The following WNK2 variants were observed in gnomAD, a reference collection of about 807,000 sequenced individuals.
The protein encoded by WNK2 is serine/threonine-protein kinase WNK2.
In WNK2, 67 loss-of-function variants were observed where a neutral mutation model predicts 192.1. The observed-to-expected ratio is 0.35, with a 90% CI of 0.29 to 0.43. WNK2 has a LOEUF of 0.43. Ranked by LOEUF, WNK2 falls within the 20% of genes least tolerant of loss-of-function variation. The probability of loss-of-function intolerance (pLI) is 1.00; values close to 1 mark genes in which losing one functional copy is unlikely to be tolerated. For synonymous variants in WNK2, 1,439 were observed against 1,393.9 expected, an observed-to-expected ratio of 1.03 and a Z score of -0.72; for missense variants, 2,698 against 3,089.7, an observed-to-expected ratio of 0.87 and a Z score of 3.01.
At chr9:93,192,454 G>A (rs1370217570) in intron 2 of WNK2, among the ~76,000 whole-genome samples, 2 of 152,170 alleles carry the variant, frequency 1.3e-5, no homozygotes, top group African/African-American at 4.8e-5. Context: ...CTTGGGACAT[G>A]CTTAATCTGA....
chr9:93,278,279 C>T (rs750428800), intron 19 of WNK2, among the ~76,000 whole-genome samples: 3 of 152,032 alleles, frequency 2.0e-5, no homozygotes, highest in South Asian at 2.1e-4. Flanking sequence ...GAGAGAGCTG[C>T]GGAGAGAAGA....
At chr9:93,311,811 G>T (rs1359802193) in intron 28 of WNK2, among the ~76,000 whole-genome samples, 1 of 152,076 alleles carries the variant, frequency 6.6e-6, no homozygotes, top group Non-Finnish European at 1.5e-5. Context: ...GTAGAGACGG[G>T]GTTTCACCAT....
chr9:93,246,059 C>T (rs573210096), intron 7 of WNK2, among the ~76,000 whole-genome samples: 1 of 152,308 alleles, frequency 6.6e-6, no homozygotes, highest in Admixed American at 6.5e-5. Context: ...CGCCCCCCAC[C>T]TGATACCAGC....
intron 7 of WNK2, among the ~76,000 whole-genome samples, chr9:93,243,350 A>G (rs547816589): frequency 2.0e-5 from 3 of 152,132 alleles, no homozygotes; most frequent in South Asian, 4.1e-4. Context: ...CCTTCAACCT[A>G]CAGCCTCCTG....
intron 26 of WNK2, among the ~76,000 whole-genome samples, chr9:93,305,122 A>G (rs995831675): frequency 6.6e-6 from 1 of 152,222 alleles, no homozygotes; most frequent in Non-Finnish European, 1.5e-5. Flanking sequence ...GGCAACAGCC[A>G]GGAATTAGCA....
intron 2 of WNK2, among the ~76,000 whole-genome samples, chr9:93,200,502 G>A (rs1247182353): frequency 1.3e-5 from 2 of 152,208 alleles, no homozygotes; most frequent in Non-Finnish European, 1.5e-5. Flanking sequence ...TCAGCCTCTC[G>A]GCAATTCGAC....
At position 93,293,076 on chromosome 9, in the gene WNK2, A is replaced by G; in HGVS notation, c.5611A>G (p.Thr1871Ala). 6.2e-7 allele frequency: 1 copy of G among 1,609,158 alleles called. No homozygotes were observed. The highest frequency in any genetic ancestry group is 8.5e-7 in the Non-Finnish European group (1 of 1,178,072). The change falls in exon 23 of 30, where the codon ACC becomes GCC. Residue 1871 changes from threonine (T) to alanine (A), a missense_variant. Thr to Ala is a moderately conservative substitution (Grantham distance 58, BLOSUM62 0). Coordinates refer to ENST00000427277, the MANE Select transcript of WNK2 (RefSeq NM_006648.4). ...CATGAAGGTCCCCACGATCAGCGTGACCTCCTTCCATTCCCAGTCGTCCTA... is the reference window on the plus strand; with the variant it reads ...CATGAAGGTCCCCACGATCAGCGTGGCCTCCTTCCATTCCCAGTCGTCCTA... ...VGMKVPTISV[T>A]SFHSQSSYIS...
intron 9 of WNK2, among the ~76,000 whole-genome samples, chr9:93,254,995 C>T (rs1015364041): frequency 6.6e-6 from 1 of 152,118 alleles, no homozygotes; most frequent in African/African-American, 2.4e-5. Flanking sequence ...CCCACTGGGC[C>T]AAGTCCCTCT....
rs574743998 is a variant in WNK2 at position 93,292,519 on chromosome 9, G to A, written c.5054G>A (p.Arg1685His). 70 of 1,586,512 alleles carry A rather than the reference G, an allele frequency of 4.4e-5. No individual in the cohort carries two copies. Among genetic ancestry groups the A allele is most frequent in the Admixed American group, 3.4e-4 (20 of 58,038 alleles). Residue 1685 changes from arginine to histidine, a missense_variant, in exon 23 of 30, where the codon CGT (arginine) becomes CAT (histidine). This residue lies in a region of WNK2 where 1,098 missense variants were observed against 1,101.0 expected (regional missense o/e 1.00). Transcript: ENST00000427277. ...GTACCTGCTTTTGTGAGACCTGCAC[G>A]TGTGGAGCCCACAGACAGGGATGGT... is the stretch of plus-strand genomic sequence containing the variant. Reference protein sequence around the residue: ...QDVPAFVRPARVEPTDRDGGE... With the variant: ...QDVPAFVRPAHVEPTDRDGGE...
rs1277217663 is a variant in WNK2 at position 93,297,815 on chromosome 9, G to A, written c.5709-38G>A. The A allele has an allele frequency of 1.9e-6, 3 of 1,538,888 alleles. 1 individual carries two copies. Among genetic ancestry groups the A allele is most frequent in the South Asian group, 2.4e-5 (2 of 83,940 alleles). On this transcript the variant is annotated intron_variant, in intron 23 of 29. Transcript: ENST00000427277. ...GAGCTGGCGGTGTTGGAAACACCGA[G>A]GAAGCCCATCGGCGCTCCCTCCTGT...
At chr9:93,295,156 G>A (rs1407645262) in intron 23 of WNK2, among the ~76,000 whole-genome samples, 2 of 152,194 alleles carry the variant, frequency 1.3e-5, no homozygotes, top group Non-Finnish European at 2.9e-5. Flanking sequence ...AGCTTGGAGT[G>A]GTCCAGGGCA....
At chr9:93,249,572 C>G (rs1588171996) in intron 8 of WNK2, among the ~76,000 whole-genome samples, 1 of 152,284 alleles carries the variant, frequency 6.6e-6, no homozygotes, top group East Asian at 1.9e-4. Flanking sequence ...CTACCAGGTT[C>G]ATGCCATTCT....
intron 2 of WNK2, among the ~76,000 whole-genome samples, chr9:93,199,899 C>CAAAAAAAAAGAAAAAA (rs1832007784): frequency 9.3e-6 from 1 of 107,746 alleles, no homozygotes; most frequent in Admixed American, 1.1e-4. Context: ...CTCTTTGTCT[C>CAAAAAAAAAGAAAAAA]AAAAAAAAAA....
intron 2 of WNK2, among the ~76,000 whole-genome samples, chr9:93,222,719 G>C (rs1467859964): frequency 1.3e-5 from 2 of 152,010 alleles, no homozygotes; most frequent in Non-Finnish European, 2.9e-5. Context: ...TTTCAGTCTT[G>C]TTGCCTAGGC....
rs548722669 is a variant in WNK2 at position 93,290,014 on chromosome 9, G to A, written c.4903G>A (p.Val1635Met). 177 of 1,578,424 alleles carry A rather than the reference G, an allele frequency of 1.1e-4. No homozygotes were observed. In the South Asian group the frequency reaches 1.7e-3, roughly 16 times the overall value. ...KSELAPTRGA[V>M]MEQGTSSSMT... is the part of the protein sequence containing the mutation. ...AGAACTGGCCCCCACTCGAGGGGCC[G>A]TGATGGAGCAGGGCACGTCCTCGTC... Residue 1635 changes from valine to methionine, a missense_variant, in exon 21 of 30, where the codon GTG (valine) becomes ATG (methionine). By Grantham distance (21) the Val-to-Met change is conservative (BLOSUM62 1). Transcript: ENST00000427277.
At chr9:93,191,747 G>A (rs1343516309) in intron 2 of WNK2, among the ~76,000 whole-genome samples, 4 of 152,208 alleles carry the variant, frequency 2.6e-5, no homozygotes, top group South Asian at 2.1e-4. Context: ...GGTAGGAATC[G>A]TCCAGGCATG....
At chr9:93,300,396 A>G (rs1410770617) in intron 26 of WNK2, 1 of 376,184 alleles carries the variant, frequency 2.7e-6, no homozygotes, top group South Asian at 6.5e-5. Flanking sequence ...CACGGAAAGC[A>G]TGTGCAGCGG....
At chr9:93,237,384 T>C (rs1300471091) in intron 5 of WNK2, among the ~76,000 whole-genome samples, 5 of 152,238 alleles carry the variant, frequency 3.3e-5, no homozygotes, top group African/African-American at 2.4e-5. Flanking sequence ...CTTTCTCTGC[T>C]GCATCACATC....
At chr9:93,222,704 C>CA (rs1837129706) in intron 2 of WNK2, among the ~76,000 whole-genome samples, 1 of 151,856 alleles carries the variant, frequency 6.6e-6, no homozygotes, top group South Asian at 2.1e-4. Context: ...TTTTTTGAGA[C>CA]AGAGTTTCAG....
Sources: allele counts gnomAD v4.1 joint callset (sites outside exome capture counted in the v4.1 genomes callset), GRCh38; gene constraint gnomAD v4.1.1; regional missense constraint gnomAD v4.1.1; transcripts MANE v1.5; gene names NCBI Gene and HGNC (gene_info 2026-07-23, HGNC 2026-07-21).